Variants in CADM2 observed in about 807,000 individuals in gnomAD.
The protein encoded by CADM2 is cell adhesion molecule 2.
CADM2 carries 12 observed loss-of-function variants against 49.8 expected under a neutral mutation model. The ratio of observed to expected loss-of-function variants is 0.24; its 90% CI spans 0.15 to 0.39. The LOEUF (loss-of-function observed/expected upper bound fraction) is 0.39, where lower values mean the gene tolerates loss of function less well. Among genes scored for constraint, CADM2 ranks in the 10% least tolerant of loss-of-function variants. The probability of loss-of-function intolerance (pLI) is 1.00; values close to 1 mark genes in which losing one functional copy is unlikely to be tolerated. For missense variants in CADM2, 378 were observed against 492.3 expected (o/e 0.77, Z 2.20); for synonymous variants, 214 against 175.4 (o/e 1.22, Z -1.74).
At chr3:85,426,440 AT>A (rs921933631) in intron 1 of CADM2, among the ~76,000 whole-genome samples, 5 of 152,044 alleles carry the variant, frequency 3.3e-5, no homozygotes, top group East Asian at 3.9e-4. Flanking sequence ...GCTTTATACT[AT>A]TTTTTTAAAA....
intron 3 of CADM2, among the ~76,000 whole-genome samples, chr3:85,860,065 G>T (rs967956289): frequency 6.6e-6 from 1 of 151,902 alleles, no homozygotes; most frequent in Non-Finnish European, 1.5e-5. Context: ...GCTCATTTCA[G>T]TTGTTATATT....
intron 1 of CADM2, among the ~76,000 whole-genome samples, chr3:85,634,269 A>G (rs2064393855): frequency 6.6e-6 from 1 of 152,052 alleles, no homozygotes; most frequent in African/African-American, 2.4e-5. Context: ...TTTACTTAGT[A>G]TATTAGAAGA....
At chr3:85,297,164 A>G (rs905729099) in intron 1 of CADM2, among the ~76,000 whole-genome samples, 1 of 151,200 alleles carries the variant, frequency 6.6e-6, no homozygotes, top group Non-Finnish European at 1.5e-5. Context: ...GTGCACTTTT[A>G]TTGATATAGC....
chr3:85,805,894 A>G (rs890278051), intron 3 of CADM2, among the ~76,000 whole-genome samples: 1 of 152,196 alleles, frequency 6.6e-6, no homozygotes, highest in South Asian at 2.1e-4. Context: ...TTAAAGCTTC[A>G]TCTATAGCCT....
At chr3:85,047,089 G>A (rs552333642) in intron 1 of CADM2, among the ~76,000 whole-genome samples, 1 of 152,266 alleles carries the variant, frequency 6.6e-6, no homozygotes, top group African/African-American at 2.4e-5. Context: ...AAAAGATTTT[G>A]CAAGATATTC....
At position 86,065,688 on chromosome 3, in the gene CADM2, T is replaced by A. The variant is rs1249145083; in HGVS notation, c.1054T>A (p.Cys352Ser). The change falls in exon 9 of 10, where the codon TGT (cysteine) becomes AGT (serine). Residue 352 changes from cysteine (C) to serine (S), a missense_variant. Coordinates refer to ENST00000383699, the MANE Select transcript of CADM2 (RefSeq NM_001167675.2). The part of the protein sequence containing the change: ...IVAVVVFVTL[C>S]SIFLLGRYLA... The stretch of plus-strand genomic sequence containing the variant: ...GGCTGTAGTTGTATTTGTCACGCTG[T>A]GTTCTATCTTTCTGCTTGGTCGATA... 8 of 1,614,094 alleles carry A rather than the reference T, an allele frequency of 5.0e-6. No individual in the cohort carries two copies. Among genetic ancestry groups the A allele is most frequent in the Non-Finnish European group, 6.8e-6 (8 of 1,179,980 alleles).
At chr3:85,817,409 A>T (rs752786303) in intron 3 of CADM2, among the ~76,000 whole-genome samples, 1 of 141,084 alleles carries the variant, frequency 7.1e-6, no homozygotes, top group Non-Finnish European at 1.5e-5. Flanking sequence ...CACATAGTCC[A>T]CCCTTCTTTT....
chr3:85,701,774 C>T (rs922162538), intron 1 of CADM2, among the ~76,000 whole-genome samples: 1 of 152,098 alleles, frequency 6.6e-6, no homozygotes, highest in South Asian at 2.1e-4. Flanking sequence ...ATGCTCTCTA[C>T]TTTCTTTATG....
chr3:85,896,504 A>G (rs75961160), intron 5 of CADM2, among the ~76,000 whole-genome samples: 2,468 of 152,300 alleles, frequency 0.016, 54 homozygotes, highest in East Asian at 0.047. Flanking sequence ...ACTTATCTCC[A>G]CATGCGTTCC....
intron 1 of CADM2, among the ~76,000 whole-genome samples, chr3:85,372,526 G>A (rs969825992): frequency 6.6e-6 from 1 of 151,614 alleles, no homozygotes; most frequent in South Asian, 2.1e-4. Context: ...AATTTACAAG[G>A]TCATCTAGAA....
chr3:85,741,215 A>C (rs1577204711), intron 2 of CADM2, among the ~76,000 whole-genome samples: 1 of 152,144 alleles, frequency 6.6e-6, no homozygotes, highest in African/African-American at 2.4e-5. Context: ...CAGTATAAGG[A>C]GATCTAATTT....
At chr3:85,867,514 G>A (rs1280242050) in intron 3 of CADM2, among the ~76,000 whole-genome samples, 1 of 151,888 alleles carries the variant, frequency 6.6e-6, no homozygotes, top group Non-Finnish European at 1.5e-5. Flanking sequence ...AAAAGTAAAT[G>A]TATTTTGTTT....
chr3:85,500,036 A>G (rs2040051984), intron 1 of CADM2, among the ~76,000 whole-genome samples: 1 of 152,214 alleles, frequency 6.6e-6, no homozygotes, highest in African/African-American at 2.4e-5. Flanking sequence ...TATTGATTCA[A>G]CTTTTAATTT....
intron 7 of CADM2, among the ~76,000 whole-genome samples, chr3:85,939,822 C>T (rs1299232624): frequency 6.8e-6 from 1 of 146,690 alleles, no homozygotes; most frequent in East Asian, 2.0e-4. Flanking sequence ...CATAATTGCA[C>T]AGCACATAAC....
At chr3:85,354,539 G>T (rs905340322) in intron 1 of CADM2, among the ~76,000 whole-genome samples, 1 of 148,806 alleles carries the variant, frequency 6.7e-6, no homozygotes, top group Admixed American at 6.8e-5. Context: ...GCAGAGGAAA[G>T]GAAATAAAGT....
chr3:86,023,273 T>G (rs1382487623), intron 8 of CADM2, among the ~76,000 whole-genome samples: 1 of 152,262 alleles, frequency 6.6e-6, no homozygotes, highest in Non-Finnish European at 1.5e-5. Flanking sequence ...ATTACATTAC[T>G]TATCCTCTGG....
intron 1 of CADM2, among the ~76,000 whole-genome samples, chr3:85,225,374 G>A (rs1292385543): frequency 6.6e-6 from 1 of 152,184 alleles, no homozygotes; most frequent in Non-Finnish European, 1.5e-5. Flanking sequence ...TTGTGAATGG[G>A]AGTTCACTCA....
intron 1 of CADM2, among the ~76,000 whole-genome samples, chr3:85,646,260 T>A (rs1419558807): frequency 6.6e-6 from 1 of 152,028 alleles, no homozygotes; most frequent in East Asian, 1.9e-4. Flanking sequence ...TTTATAGACA[T>A]GTCAATCTAG....
chr3:85,867,737 A>G lies in CADM2; in HGVS notation c.239-15554A>G, dbSNP rs900100566. Among the ~76,000 whole-genome samples, 3 of 152,086 alleles carry G rather than the reference A, an allele frequency of 2.0e-5. 1 individual carries two copies. The highest frequency in any genetic ancestry group is 2.9e-5 in the Non-Finnish European group (2 of 67,924). On this transcript the variant is annotated intron_variant, in intron 3 of 9. Transcript: ENST00000383699. ...TATGCTTATTTTATGGGCCGTTTAAATAGCATTGTACACTTCTTCAGAAAA... is the reference window on the plus strand; with the variant it reads ...TATGCTTATTTTATGGGCCGTTTAAGTAGCATTGTACACTTCTTCAGAAAA...
Sources: allele counts gnomAD v4.1 joint callset (sites outside exome capture counted in the v4.1 genomes callset), GRCh38; gene constraint gnomAD v4.1.1; transcripts MANE v1.5; gene names NCBI Gene and HGNC (gene_info 2026-07-23, HGNC 2026-07-21).